Variants in SLC2A7 observed in about 807,000 individuals in gnomAD.
The protein encoded by SLC2A7 is solute carrier family 2 member 7.
Under a neutral mutation model 50.5 loss-of-function variants are expected in SLC2A7, and 50 were observed. The ratio of observed to expected loss-of-function variants is 0.99; its 90% confidence interval spans 0.79 to 1.25. SLC2A7 has a LOEUF of 1.25. Among genes scored for constraint, SLC2A7 ranks in the 50% most tolerant of loss-of-function variants. The probability of loss-of-function intolerance (pLI) is 0.00; values close to 1 mark genes in which losing one functional copy is unlikely to be tolerated. For missense variants in SLC2A7, 683 were observed against 679.1 expected (o/e 1.01, Z -0.06); for synonymous variants, 308 against 300.4 (o/e 1.03, Z -0.26).
At chr1:9,016,893 G>A (rs1258604073) in intron 5 of SLC2A7, among the ~76,000 whole-genome samples, 1 of 151,956 alleles carries the variant, frequency 6.6e-6, no homozygotes, top group East Asian at 1.9e-4. Context: ...CAAAATGAAG[G>A]CCTCAGCAGC....
chr1:8,993,078 A>G, the SLC2A7 span, among the ~76,000 whole-genome samples: 2 of 152,230 alleles, frequency 1.3e-5, no homozygotes, highest in African/African-American at 4.8e-5. Flanking sequence ...AATTTGACTC[A>G]CAGTTCCATG....
At chr1:9,014,995 C>G (rs527732606) in intron 6 of SLC2A7, 122 bp downstream of exon 6, 71 of 1,517,032 alleles carry the variant, frequency 4.7e-5, no homozygotes, top group Non-Finnish European at 5.6e-5. Context: ...GCCACCCCCC[C>G]ACCCCGTTCA....
At chr1:9,023,834 TCTTC>T (rs1225044273) in intron 2 of SLC2A7, among the ~76,000 whole-genome samples, 12 of 60,586 alleles carry the variant, frequency 2.0e-4, no homozygotes, top group African/African-American at 8.2e-4. Context: ...GAAATATTCT[TCTTC>T]TTTTTTTTTT....
At chr1:9,017,810 G>A (rs1640852061) in intron 5 of SLC2A7, among the ~76,000 whole-genome samples, 1 of 152,146 alleles carries the variant, frequency 6.6e-6, no homozygotes. Context: ...GGAAGATAGA[G>A]GCCGCCAGAA....
chr1:9,004,760 A>G lies in SLC2A7; in HGVS notation c.1312T>C (p.Ser438Pro), dbSNP rs771251601. The change falls in exon 11 of 12, where the codon TCC (serine) becomes CCC (proline). Residue 438 changes from serine (S) to proline (P), a missense_variant. Transcript: ENST00000400906. The stretch of plus-strand genomic sequence containing the variant: ...AAGGGGCCCTCACTCACCTGGATGG[A>G]TGGGAACAGGAAGCCTATGATGAAG... ...TNFIIGFLFPSIQEAIGAYSF... is the reference protein window; with the variant it reads ...TNFIIGFLFPPIQEAIGAYSF... 6.2e-7 allele frequency: 1 copy of G among 1,613,984 alleles called. No individual in the cohort carries two copies. The highest frequency in any genetic ancestry group is 8.5e-7 in the Non-Finnish European group (1 of 1,179,912).
intron 2 of SLC2A7, among the ~76,000 whole-genome samples, chr1:9,024,371 TACAC>T (rs550811271): frequency 4.9e-4 from 74 of 152,352 alleles, no homozygotes; most frequent in African/African-American, 1.7e-3. Flanking sequence ...ATATACGTAA[TACAC>T]AAACAAATGT....
At chr1:9,012,018 G>A (rs1640757808) in intron 8 of SLC2A7, among the ~76,000 whole-genome samples, 1 of 152,066 alleles carries the variant, frequency 6.6e-6, no homozygotes, top group African/African-American at 2.4e-5. Flanking sequence ...CCAAAGTGCA[G>A]GAATTACAGG....
chr1:9,026,194 C>A, intron 1 of SLC2A7, 101 bp downstream of exon 1: 1 of 1,300,228 alleles, frequency 7.7e-7, no homozygotes, highest in South Asian at 1.3e-5. Context: ...AGCACGCTAC[C>A]CGCTCCTTGC....
chr1:8,992,928 G>A, the SLC2A7 span, among the ~76,000 whole-genome samples: 11 of 152,296 alleles, frequency 7.2e-5, no homozygotes, highest in African/African-American at 2.2e-4. Context: ...AGAGAGTACC[G>A]TGGGTAAAAG....
rs148489455 is a variant in SLC2A7 at position 9,014,788 on chromosome 1, C to T, written c.796G>A (p.Glu266Lys). Reference sequence around the variant, plus strand: ...AGGTGCAGCACAGACAGGTGGCCCTCGGCGCGCTCGGCCCGGGCCTCCGCA... The same window carrying T: ...AGGTGCAGCACAGACAGGTGGCCCTTGGCGCGCTCGGCCCGGGCCTCCGCA... ...MRAEARAERA[E>K]GHLSVLHLCA... The change falls in exon 7 of 12, where the codon GAG (glutamate) becomes AAG (lysine). Residue 266 changes from glutamate (E) to lysine (K), a missense_variant. Glu to Lys is a moderately conservative substitution (Grantham distance 56). Coordinates refer to ENST00000400906, the MANE Select transcript of SLC2A7 (RefSeq NM_207420.3). The T allele has an allele frequency of 1.2e-4, 184 of 1,599,956 alleles. No homozygotes were observed. Among genetic ancestry groups the T allele is most frequent in the African/African-American group, 2.0e-4 (15 of 74,754 alleles).
At chr1:9,007,601 G>A (rs17033021) in intron 9 of SLC2A7, among the ~76,000 whole-genome samples, 4,253 of 152,304 alleles carry the variant, frequency 0.028, 194 homozygotes, top group African/African-American at 0.096. Flanking sequence ...CACCTGATGA[G>A]CGTCATGGAG....
At chr1:8,992,992 G>C in the SLC2A7 span, among the ~76,000 whole-genome samples, 3 of 152,236 alleles carry the variant, frequency 2.0e-5, no homozygotes, top group Admixed American at 2.0e-4. Flanking sequence ...CCTGACATCA[G>C]GTTGCAGATC....
intron 8 of SLC2A7, among the ~76,000 whole-genome samples, chr1:9,013,049 C>G (rs1208440034): frequency 2.0e-5 from 3 of 152,140 alleles, no homozygotes; most frequent in Non-Finnish European, 4.4e-5. Context: ...CACCACCATG[C>G]CCAGCTCATT....
intron 3 of SLC2A7, among the ~76,000 whole-genome samples, chr1:9,021,990 T>G (rs2124265340): frequency 6.6e-6 from 1 of 152,328 alleles, no homozygotes; most frequent in Admixed American, 6.5e-5. Flanking sequence ...TATAGTTACA[T>G]TAGAGTGAAT....
At chr1:9,015,723 CTTTT>C (rs59752312) in intron 5 of SLC2A7, among the ~76,000 whole-genome samples, 3 of 129,418 alleles carry the variant, frequency 2.3e-5, no homozygotes, top group Non-Finnish European at 1.6e-5. Flanking sequence ...TGGACAAGTT[CTTTT>C]TTTTTTTTTT....
chr1:8,995,178 G>A, the SLC2A7 span, among the ~76,000 whole-genome samples: 1 of 151,640 alleles, frequency 6.6e-6, no homozygotes, highest in Non-Finnish European at 1.5e-5. Context: ...GCCAGGTGTG[G>A]TGGCTCACAC....
chr1:9,015,715 G>C (rs181220148), intron 5 of SLC2A7, among the ~76,000 whole-genome samples: 1 of 148,022 alleles, frequency 6.8e-6, no homozygotes, highest in Non-Finnish European at 1.5e-5. Flanking sequence ...GTGGGAAGTG[G>C]ACAAGTTCTT....
intron 8 of SLC2A7, among the ~76,000 whole-genome samples, chr1:9,011,812 C>G (rs1326780740): frequency 7.2e-6 from 1 of 139,470 alleles, no homozygotes; most frequent in East Asian, 2.2e-4. Flanking sequence ...TGCTGTGGTG[C>G]AACCGTGGCT....
rs1557653846 is a variant in SLC2A7 at position 9,023,835 on chromosome 1, C to CTTTTTTTTTTTTTTTTTT, written c.151-758_151-757insAAAAAAAAAAAAAAAAAA. Among the ~76,000 whole-genome samples the CTTTTTTTTTTTTTTTTTT allele has an allele frequency of 1.7e-4, 11 of 65,996 alleles. 2 individuals are homozygous for CTTTTTTTTTTTTTTTTTT. The highest frequency in any genetic ancestry group is 2.6e-4 in the Non-Finnish European group (9 of 34,686). 43.3% of individuals were successfully genotyped at this position (65,996 alleles called of 152,430 possible). On this transcript the variant is annotated intron_variant, in intron 2 of 11. Coordinates refer to ENST00000400906, the MANE Select transcript of SLC2A7 (RefSeq NM_207420.3). ...CAGAGGCACCATAGGAAATATTCTT[C>CTTTTTTTTTTTTTTTTTT]TTCTTTTTTTTTTTTTTTTTTTTTT...
Sources: gnomAD v4.1 joint callset for allele counts (sites outside exome capture counted in the v4.1 genomes callset) on GRCh38, gnomAD v4.1.1 for gene constraint, MANE v1.5 for transcripts, NCBI Gene and HGNC (gene_info 2026-07-23, HGNC 2026-07-21) for gene names.